Variants in SESN2 observed in about 807,000 individuals in gnomAD.
SESN2 encodes the protein sestrin-2.
Under a neutral mutation model 56.0 loss-of-function variants are expected in SESN2, and 42 were observed. The observed-to-expected ratio is 0.75, with a 90% CI of 0.59 to 0.97. The LOEUF (loss-of-function observed/expected upper bound fraction) is 0.97, where lower values mean the gene tolerates loss of function less well. Among genes scored for constraint, SESN2 ranks in the 50% least tolerant of loss-of-function variants. The pLI is 0.00. For missense variants in SESN2, 507 were observed against 649.4 expected (o/e 0.78, Z 2.38); for synonymous variants, 264 against 267.1 (o/e 0.99, Z 0.11).
At chr1:28,267,283 C>T (rs888156685) in intron 1 of SESN2, among the ~76,000 whole-genome samples, 3 of 152,148 alleles carry the variant, frequency 2.0e-5, no homozygotes, top group East Asian at 1.9e-4. Flanking sequence ...GGGGCCTGCA[C>T]GGTCAGCTCA....
At position 28,274,050 on chromosome 1, in the gene SESN2, G is replaced by A. The variant is rs1647923832; in HGVS notation, c.912G>A (p.Leu304=). 6 of 1,612,140 alleles carry A rather than the reference G, an allele frequency of 3.7e-6. No homozygotes were observed. The highest frequency in any genetic ancestry group is 1.3e-5 in the African/African-American group (1 of 74,806). The part of the protein sequence containing the change: ...SLLVTPSADI[L]EPSPHPDMLC... ...CTTTCTGGTCCTCAGCTGACATCCT[G>A]GAGCCCTCTCCACACCCAGACATGC... Residue 304 remains leucine (L), a synonymous_variant, in exon 7 of 10, where the codon CTG becomes CTA. Transcript: ENST00000253063.
At chr1:28,261,779 C>CG (rs1647381865) in intron 1 of SESN2, among the ~76,000 whole-genome samples, 1 of 129,616 alleles carries the variant, frequency 7.7e-6, no homozygotes, top group East Asian at 2.1e-4. Context: ...TTTTTCTTAT[C>CG]TTTTTTTTTT....
At chr1:28,274,252 C>G in intron 7 of SESN2, 94 bp downstream of exon 7, 1 of 849,446 alleles carries the variant, frequency 1.2e-6, no homozygotes, top group East Asian at 2.4e-5. Flanking sequence ...AGGTACCCAG[C>G]TGGGCATGGT....
chr1:28,280,824 C>T lies in SESN2; in HGVS notation c.*22C>T, dbSNP rs757483688. 18 of 1,582,016 alleles carry T rather than the reference C, an allele frequency of 1.1e-5. No individual in the cohort carries two copies. Among genetic ancestry groups the T allele is most frequent in the Admixed American group, 8.3e-5 (5 of 59,942 alleles). ...CTGACTCCTGAGCAGGACCTGGGCC[C>T]GGTTCAGCTCCCCACAAGGACTTCT... is the stretch of plus-strand genomic sequence containing the variant. On this transcript the variant is annotated 3_prime_UTR_variant, in exon 10 of 10. Transcript: ENST00000253063.
At chr1:28,274,740 T>C in intron 7 of SESN2, 85 bp from the exon 8 acceptor site, 5 of 1,064,274 alleles carry the variant, frequency 4.7e-6, no homozygotes, top group Non-Finnish European at 7.0e-6. Flanking sequence ...AGGAGAATCA[T>C]GGAGATCCCA....
chr1:28,272,570 G>T lies in SESN2; in HGVS notation c.538-11G>T, dbSNP rs766177280. ...CTGAGCAGCTCTGACCTCCCCCCTT[G>T]TCCCTTCCAGGCCTTGCTGAAGACC... On this transcript the variant is annotated splice_polypyrimidine_tract_variant and intron_variant, in intron 4 of 9. Coordinates refer to ENST00000253063, the MANE Select transcript of SESN2 (RefSeq NM_031459.5). The T allele has an allele frequency of 1.2e-5, 20 of 1,613,776 alleles. No individual in the cohort carries two copies. The highest frequency in any genetic ancestry group is 1.7e-5 in the Non-Finnish European group (20 of 1,179,846).
chr1:28,268,660 C>G (rs557453755), intron 1 of SESN2, among the ~76,000 whole-genome samples: 54 of 145,204 alleles, frequency 3.7e-4, no homozygotes, highest in African/African-American at 1.3e-3. Context: ...AGCGATACTC[C>G]GTCTCAAAAA....
intron 8 of SESN2, among the ~76,000 whole-genome samples, chr1:28,277,271 C>T (rs1648087034): frequency 6.6e-6 from 1 of 150,874 alleles, no homozygotes; most frequent in Non-Finnish European, 1.5e-5. Context: ...GGAGTGATCT[C>T]AGCTCACTGC....
chr1:28,274,876 G>A lies in SESN2; in HGVS notation c.1072G>A (p.Glu358Lys). The part of the protein sequence containing the change: ...GYSLIQRLYP[E>K]GGQLLDEKFQ... ...CTCGCTGATCCAGCGGCTTTACCCTGAGGGTGGGCAGCTGCTGGATGAGAA... is the reference window on the plus strand; with the variant it reads ...CTCGCTGATCCAGCGGCTTTACCCTAAGGGTGGGCAGCTGCTGGATGAGAA... The change falls in exon 8 of 10, where the codon GAG becomes AAG. Residue 358 changes from glutamate (E) to lysine (K), a missense_variant. Transcript: ENST00000253063. 6.2e-7 allele frequency: 1 copy of A among 1,614,168 alleles called. No individual in the cohort carries two copies.
intron 8 of SESN2, among the ~76,000 whole-genome samples, chr1:28,277,253 A>T (rs1487416992): frequency 1.4e-5 from 2 of 147,622 alleles, no homozygotes; most frequent in Non-Finnish European, 3.0e-5. Flanking sequence ...CCCAGGCTGG[A>T]GTAGAGTGGA....
chr1:28,272,191 T>C, intron 3 of SESN2, 93 bp from the exon 4 acceptor site: 1 of 1,305,176 alleles, frequency 7.7e-7, no homozygotes, highest in South Asian at 1.3e-5. Context: ...TGGGGAACAG[T>C]GAGCCCTACA....
At chr1:28,269,588 G>T (rs1316529290) in intron 2 of SESN2, among the ~76,000 whole-genome samples, 2 of 151,362 alleles carry the variant, frequency 1.3e-5, no homozygotes, top group Non-Finnish European at 2.9e-5. Context: ...TATATTACAC[G>T]CTCTTTTCTG....
At chr1:28,270,614 C>T (rs1006867102) in intron 2 of SESN2, among the ~76,000 whole-genome samples, 14 of 151,806 alleles carry the variant, frequency 9.2e-5, no homozygotes, top group African/African-American at 2.9e-4. Flanking sequence ...TCTTGTTGCC[C>T]AGGCTGGAGT....
chr1:28,278,091 C>A (rs1354901720), intron 8 of SESN2, among the ~76,000 whole-genome samples: 1 of 152,184 alleles, frequency 6.6e-6, no homozygotes, highest in African/African-American at 2.4e-5. Context: ...CATCAACTTG[C>A]TTTTTGGCTT....
intron 2 of SESN2, 21 bp from the exon 3 acceptor site, chr1:28,271,653 C>CT: frequency 6.2e-7 from 1 of 1,603,470 alleles, no homozygotes; most frequent in Non-Finnish European, 8.5e-7. Flanking sequence ...AACCCATGCT[C>CT]TCCTCCCCTT....
At chr1:28,268,580 G>A (rs1043544990) in intron 1 of SESN2, among the ~76,000 whole-genome samples, 6 of 151,936 alleles carry the variant, frequency 3.9e-5, no homozygotes, top group African/African-American at 1.4e-4. Context: ...CAGGAGAATC[G>A]CTTGAACCCA....
rs1479517236 is a variant in SESN2 at position 28,271,841 on chromosome 1, C to T, written c.324C>T (p.Ala108=). Residue 108 remains alanine (A), a synonymous_variant, in exon 3 of 10, where the codon GCC becomes GCT. Transcript: ENST00000253063. ...TGCTGCACACGGATGGTCCCTTGGC[C>T]AGCTCCTGGCGCCACTACATTGCCA... The part of the protein sequence containing the change: ...YLLLHTDGPL[A]SSWRHYIAIM... 1.2e-6 allele frequency: 2 copies of T among 1,614,094 alleles called. No homozygotes were observed. The highest frequency in any genetic ancestry group is 2.2e-5 in the East Asian group (1 of 44,896).
intron 7 of SESN2, 54 bp from the exon 8 acceptor site, chr1:28,274,771 C>T: frequency 1.4e-6 from 2 of 1,417,484 alleles, no homozygotes; most frequent in Non-Finnish European, 2.0e-6. Flanking sequence ...ATGGGGGTCT[C>T]TCTGGCTGGT....
At chr1:28,271,271 C>T (rs1327882997) in intron 2 of SESN2, among the ~76,000 whole-genome samples, 1 of 152,126 alleles carries the variant, frequency 6.6e-6, no homozygotes, top group East Asian at 1.9e-4. Flanking sequence ...TTTGCACCCG[C>T]CCCCATGGTT....
Sources: gnomAD v4.1 joint callset for allele counts (sites outside exome capture counted in the v4.1 genomes callset) on GRCh38, gnomAD v4.1.1 for gene constraint, MANE v1.5 for transcripts, NCBI Gene and HGNC (gene_info 2026-07-23, HGNC 2026-07-21) for gene names.